The following LRP6 variants were observed in gnomAD, a reference collection of about 807,000 sequenced individuals.
LRP6 encodes the protein low-density lipoprotein receptor-related protein 6.
Under a neutral mutation model 184.1 loss-of-function variants are expected in LRP6, and 43 were observed. The ratio of observed to expected loss-of-function variants is 0.23; its 90% CI spans 0.18 to 0.30. LRP6 has a LOEUF of 0.30. Among genes scored for constraint, LRP6 ranks in the 10% least tolerant of loss-of-function variants. The probability of loss-of-function intolerance (pLI) is 1.00; values close to 1 mark genes in which losing one functional copy is unlikely to be tolerated. For synonymous variants in LRP6, 719 were observed against 684.9 expected (o/e 1.05, Z -0.78); for missense variants, 1,571 against 2,005.3 (o/e 0.78, Z 4.14).
Position 12,163,698 on chromosome 12 carries a change from T to C in LRP6, c.2052+575A>G, listed in dbSNP as rs377503709. On this transcript the variant is annotated intron_variant, in intron 9 of 22. Transcript: ENST00000261349. ...GCACACATTTCCTTACTCAGCTAAT[T>C]GCAGAAAATGTCATTCATCATTTTC... 7.6e-4 allele frequency among the ~76,000 whole-genome samples: 116 copies of C among 152,278 alleles called. 5 individuals are homozygous for C. The South Asian group carries it at 0.023, about 31-fold the overall frequency.
intron 1 of LRP6, 59 bp downstream of exon 1, chr12:12,266,622 A>ACAACAAGGCCACCTC: frequency 7.1e-7 from 1 of 1,408,132 alleles, no homozygotes; most frequent in Non-Finnish European, 9.9e-7. Flanking sequence ...CTAGACACAT[A>ACAACAAGGCCACCTC]CAACAAGGCC....
intron 2 of LRP6, among the ~76,000 whole-genome samples, chr12:12,224,264 C>T (rs941391512): frequency 4.6e-5 from 7 of 152,152 alleles, no homozygotes; most frequent in African/African-American, 7.2e-5. Context: ...GTGTAGTATG[C>T]TTTTTTCCTG....
intron 17 of LRP6, among the ~76,000 whole-genome samples, chr12:12,133,533 C>T (rs1023475581): frequency 3.3e-5 from 5 of 152,028 alleles, no homozygotes; most frequent in Admixed American, 1.3e-4. Flanking sequence ...ACAATACAGC[C>T]GGCAGAACCA....
At chr12:12,148,627 G>A (rs1272575496) in intron 14 of LRP6, among the ~76,000 whole-genome samples, 2 of 152,138 alleles carry the variant, frequency 1.3e-5, no homozygotes, top group East Asian at 1.9e-4. Flanking sequence ...ATTCAGGAGG[G>A]GGCAAAAATC....
At chr12:12,200,626 T>C (rs965913345) in intron 3 of LRP6, among the ~76,000 whole-genome samples, 2 of 152,244 alleles carry the variant, frequency 1.3e-5, no homozygotes, top group Non-Finnish European at 2.9e-5. Flanking sequence ...AAGTTGTTTC[T>C]GCAAATTGGT....
At position 12,118,320 on chromosome 12, in the gene LRP6, TA is replaced by T. The variant is rs1036071143; in HGVS notation, c.*2805del. The T allele has an allele frequency of 2.0e-5, 3 of 152,206 alleles. No individual in the cohort carries two copies. The highest frequency in any genetic ancestry group is 7.2e-5 in the African/African-American group (3 of 41,450). The allele number at this position is 152,206 out of a possible 1,614,324, so 9.4% of individuals were successfully genotyped here. On this transcript the variant is annotated 3_prime_UTR_variant, in exon 23 of 23. Coordinates refer to ENST00000261349, the MANE Select transcript of LRP6 (RefSeq NM_002336.3). ...TGGAGCAAAGTCCAGGCCTTAGTTATAAAAGACCACTTCAATGCAGAATAGC... is the reference window on the plus strand; with the variant it reads ...TGGAGCAAAGTCCAGGCCTTAGTTATAAAGACCACTTCAATGCAGAATAGC...
In LRP6 at chr12:12,124,551, AG is replaced by A; in HGVS notation, c.4547+13del. The A allele has an allele frequency of 6.5e-7, 1 of 1,549,488 alleles. No individual in the cohort carries two copies. The highest frequency in any genetic ancestry group is 1.1e-5 in the South Asian group (1 of 89,782). ...TAAATACTGCACCTTATTTTAGAGAAGGATGTGTATTACCTGTATGACCTAT... is the reference window on the plus strand; with the variant it reads ...TAAATACTGCACCTTATTTTAGAGAAGATGTGTATTACCTGTATGACCTAT... On this transcript the variant is annotated intron_variant, in intron 22 of 22. Transcript: ENST00000261349.
In LRP6 at chr12:12,162,351, T is replaced by C; in HGVS notation, c.2121A>G (p.Pro707=). Residue 707 remains proline (P), a synonymous_variant, in exon 10 of 23, where the codon CCA becomes CCG. Coordinates refer to ENST00000261349, the MANE Select transcript of LRP6 (RefSeq NM_002336.3). ...CAAGCCAGTCTACTGCCATGCCTTCTGGATAATCTAAGCCGAATTCTACCA... is the reference window on the plus strand; with the variant it reads ...CAAGCCAGTCTACTGCCATGCCTTCCGGATAATCTAAGCCGAATTCTACCA... ...EHVVEFGLDY[P]EGMAVDWLGK... is the part of the protein sequence containing the mutation. 6.2e-7 allele frequency: 1 copy of C among 1,614,220 alleles called. No individual in the cohort carries two copies. Among genetic ancestry groups the C allele is most frequent in the Non-Finnish European group, 8.5e-7 (1 of 1,180,032 alleles).
intron 2 of LRP6, among the ~76,000 whole-genome samples, chr12:12,212,456 C>T (rs753710068): frequency 2.0e-5 from 3 of 152,170 alleles, no homozygotes; most frequent in Non-Finnish European, 4.4e-5. Flanking sequence ...CACTTCCACA[C>T]CTTGTCCCTC....
At chr12:12,163,750 T>C (rs999704134) in intron 9 of LRP6, among the ~76,000 whole-genome samples, 1 of 152,210 alleles carries the variant, frequency 6.6e-6, no homozygotes, top group East Asian at 1.9e-4. Flanking sequence ...AGGAAGACTA[T>C]GGCTTGCAGA....
intron 3 of LRP6, among the ~76,000 whole-genome samples, chr12:12,198,493 TTTC>T (rs1863826843): frequency 6.6e-6 from 1 of 151,718 alleles, no homozygotes; most frequent in Non-Finnish European, 1.5e-5. Context: ...TTTTAAATTC[TTTC>T]TTAAGTTCTA....
At chr12:12,224,834 G>A (rs1460299825) in intron 2 of LRP6, among the ~76,000 whole-genome samples, 3 of 152,110 alleles carry the variant, frequency 2.0e-5, no homozygotes, top group Non-Finnish European at 2.9e-5. Context: ...AACACACAGG[G>A]AACTAGACTA....
intron 2 of LRP6, among the ~76,000 whole-genome samples, chr12:12,232,252 C>T (rs1256701303): frequency 6.6e-6 from 1 of 151,540 alleles, no homozygotes; most frequent in African/African-American, 2.4e-5. Flanking sequence ...GGCATGGTGG[C>T]GGGTGCCTGT....
intron 1 of LRP6, among the ~76,000 whole-genome samples, chr12:12,264,143 T>TAA (rs559250351): frequency 6.9e-6 from 1 of 144,748 alleles, no homozygotes; most frequent in East Asian, 2.0e-4. Context: ...TTTGTCTCTT[T>TAA]AAAAAAAAAA....
Position 12,187,528 on chromosome 12 carries a change from G to C in LRP6, c.648-409C>G, listed in dbSNP as rs763296449. The stretch of plus-strand genomic sequence containing the variant: ...GGTAAGCAATGAGAAAAATCACAGG[G>C]GTTACAGTTGGCACTGAAGTAGATT... On this transcript the variant is annotated intron_variant, in intron 3 of 22. Transcript: ENST00000261349. 1.2e-5 allele frequency: 3 copies of C among 245,390 alleles called. No individual in the cohort carries two copies. The East Asian group carries it at 2.9e-4, about 24-fold the overall frequency. The allele number at this position is 245,390 out of a possible 1,614,324, so 15.2% of individuals were successfully genotyped here. A position where few individuals can be genotyped will look rare whatever the true frequency, so the allele number is the denominator to read the frequency against.
intron 2 of LRP6, among the ~76,000 whole-genome samples, chr12:12,209,755 T>C (rs1864158728): frequency 6.6e-6 from 1 of 152,172 alleles, no homozygotes. Flanking sequence ...TGAGCACCTA[T>C]TAGGAGCTAA....
intron 2 of LRP6, among the ~76,000 whole-genome samples, chr12:12,241,316 GA>G (rs1445409774): frequency 2.6e-5 from 4 of 152,066 alleles, no homozygotes. Context: ...AATAAATCTG[GA>G]AATCATCTCT....
rs187028420 is a variant in LRP6 at position 12,118,367 on chromosome 12, T to C, written c.*2759A>G. ...ATAGCTTACTGTGGTGCACACAAAG[T>C]ATGTTATGCTCAAGTTTATTTCTTG... On this transcript the variant is annotated 3_prime_UTR_variant, in exon 23 of 23. Coordinates refer to ENST00000261349, the MANE Select transcript of LRP6 (RefSeq NM_002336.3). 2.6e-5 allele frequency: 4 copies of C among 152,362 alleles called. No individual in the cohort carries two copies. The highest frequency in any genetic ancestry group is 9.6e-5 in the African/African-American group (4 of 41,592). 9.4% of individuals were successfully genotyped at this position (152,362 alleles called of 1,614,324 possible).
At chr12:12,220,303 A>G (rs1419920200) in intron 2 of LRP6, among the ~76,000 whole-genome samples, 1 of 151,812 alleles carries the variant, frequency 6.6e-6, no homozygotes, top group African/African-American at 2.4e-5. Context: ...AAAAAAAAAA[A>G]TTCTTCCTTC....
Sources: allele counts gnomAD v4.1 joint callset (sites outside exome capture counted in the v4.1 genomes callset), GRCh38; gene constraint gnomAD v4.1.1; transcripts MANE v1.5; gene names NCBI Gene and HGNC (gene_info 2026-07-23, HGNC 2026-07-21).